GPR158: variants seen among roughly 807,000 people sequenced by gnomAD.
GPR158 encodes G protein-coupled receptor 158.
A neutral mutation model predicts 78.2 loss-of-function variants in GPR158; 30 were observed. The observed-to-expected ratio is 0.38, with a 90% CI of 0.29 to 0.52. The LOEUF is 0.52. Among genes scored for constraint, GPR158 ranks in the 20% least tolerant of loss-of-function variants. The pLI is 0.83. For synonymous variants in GPR158, 581 were observed against 591.1 expected, an observed-to-expected ratio of 0.98 and a Z score of 0.25; for missense variants, 1,463 against 1,523.5, an observed-to-expected ratio of 0.96 and a Z score of 0.66.
intron 6 of GPR158, among the ~76,000 whole-genome samples, chr10:25,561,186 T>C (rs1836855604): frequency 1.3e-5 from 2 of 152,216 alleles, no homozygotes; most frequent in Non-Finnish European, 2.9e-5. Context: ...CCATCTGTAA[T>C]AAATTTGTTT....
chr10:25,487,530 T>G (rs930822908), intron 5 of GPR158, among the ~76,000 whole-genome samples: 1 of 152,294 alleles, frequency 6.6e-6, no homozygotes. Flanking sequence ...AGTCACAGTA[T>G]AGAGGTTAAG....
chr10:25,243,474 A>C (rs1432728724), intron 2 of GPR158, among the ~76,000 whole-genome samples: 1 of 152,190 alleles, frequency 6.6e-6, no homozygotes, highest in East Asian at 1.9e-4. Context: ...CTTCATATGA[A>C]GTTCTTTAGC....
chr10:25,259,816 CCTAT>C (rs1249632445), intron 2 of GPR158, among the ~76,000 whole-genome samples: 1 of 151,980 alleles, frequency 6.6e-6, no homozygotes, highest in Non-Finnish European at 1.5e-5. Flanking sequence ...TAGATTTATT[CCTAT>C]CTACTTTATT....
chr10:25,222,363 A>G (rs1772318275), intron 2 of GPR158, among the ~76,000 whole-genome samples: 1 of 138,290 alleles, frequency 7.2e-6, no homozygotes, highest in African/African-American at 2.7e-5. Context: ...ATCCCTCTAA[A>G]TCTATCACAT....
intron 2 of GPR158, among the ~76,000 whole-genome samples, chr10:25,347,989 C>A (rs149354695): frequency 3.9e-5 from 6 of 151,972 alleles, no homozygotes; most frequent in Non-Finnish European, 7.4e-5. Flanking sequence ...AAAGTCTTTG[C>A]GGCAAATGTC....
chr10:25,407,574 C>G (rs1834531248), intron 3 of GPR158, among the ~76,000 whole-genome samples: 1 of 152,112 alleles, frequency 6.6e-6, no homozygotes, highest in Non-Finnish European at 1.5e-5. Flanking sequence ...ATGATCTCTT[C>G]CAAAGCCTTC....
intron 2 of GPR158, among the ~76,000 whole-genome samples, chr10:25,345,305 G>A (rs1407541884): frequency 2.0e-5 from 3 of 151,820 alleles, no homozygotes; most frequent in Non-Finnish European, 4.4e-5. Context: ...TTACCACTTG[G>A]CAAGGCTCTT....
chr10:25,338,459 A>ACG (rs1564426169), intron 2 of GPR158, among the ~76,000 whole-genome samples: 1 of 137,832 alleles, frequency 7.3e-6, no homozygotes, highest in African/African-American at 3.0e-5. Context: ...TAATATATAT[A>ACG]TTACGTATAT....
At chr10:25,466,589 G>T in intron 4 of GPR158, 62 bp from the exon 5 acceptor site, 1 of 1,029,444 alleles carries the variant, frequency 9.7e-7, no homozygotes, top group African/African-American at 1.6e-5. Context: ...TTTCACAATA[G>T]CGTGAATTCT....
chr10:25,218,464 G>A (rs962758349), intron 1 of GPR158, among the ~76,000 whole-genome samples: 4 of 152,176 alleles, frequency 2.6e-5, no homozygotes, highest in African/African-American at 7.2e-5. Flanking sequence ...CAAGTTAGCC[G>A]ATGTCTGAGT....
intron 5 of GPR158, among the ~76,000 whole-genome samples, chr10:25,536,850 TC>T (rs1257848974): frequency 2.0e-5 from 3 of 152,314 alleles, no homozygotes; most frequent in South Asian, 2.1e-4. Context: ...AGGATTAGCA[TC>T]CCGAGGGGCT....
intron 2 of GPR158, among the ~76,000 whole-genome samples, chr10:25,302,740 C>T (rs1403732521): frequency 6.6e-6 from 1 of 152,142 alleles, no homozygotes; most frequent in Non-Finnish European, 1.5e-5. Context: ...TTTGGCAGCC[C>T]CTGTTCTAAG....
chr10:25,359,523 C>T (rs72796142), intron 2 of GPR158, among the ~76,000 whole-genome samples: 4,751 of 152,118 alleles, frequency 0.031, 120 homozygotes, highest in Non-Finnish European at 0.045. Context: ...TTTTTCTCTT[C>T]CTGTGTCAGT....
chr10:25,491,664 A>G (rs1258701613), intron 5 of GPR158, among the ~76,000 whole-genome samples: 2 of 152,214 alleles, frequency 1.3e-5, no homozygotes, highest in Non-Finnish European at 2.9e-5. Context: ...TACTTATTTT[A>G]GAAAAATTAG....
At chr10:25,204,039 C>A (rs1852974672) in intron 1 of GPR158, among the ~76,000 whole-genome samples, 1 of 151,558 alleles carries the variant, frequency 6.6e-6, no homozygotes, top group African/African-American at 2.4e-5. Context: ...GGAGTTCACT[C>A]ATGATTTGGC....
At chr10:25,359,897 A>G (rs527488266) in intron 2 of GPR158, among the ~76,000 whole-genome samples, 7 of 152,166 alleles carry the variant, frequency 4.6e-5, no homozygotes, top group South Asian at 4.1e-4. Flanking sequence ...AAGAATTCCT[A>G]TTTCTCCACA....
rs180876652 is a variant in GPR158 at position 25,598,446 on chromosome 10, G to A, written c.2820G>A (p.Glu940=). The change falls in exon 11 of 11, where the codon GAG becomes GAA. Residue 940 remains glutamate (E), a synonymous_variant. Coordinates refer to ENST00000376351, the MANE Select transcript of GPR158 (RefSeq NM_020752.3). ...AGAAACCTTTGCCAAAAGATAAAGA[G>A]ACAAACAGAAATCACTCAAATTCTG... ...KSQKPLPKDK[E]TNRNHSNSDN... The A allele has an allele frequency of 3.5e-4, 569 of 1,614,036 alleles. 2 individuals carry two copies. The highest frequency in any genetic ancestry group is 3.3e-3 in the South Asian group (302 of 91,064).
rs114250972 is a variant in GPR158, at chr10:25,557,324, G to A, written c.1514+6239G>A. 3.5e-3 allele frequency among the ~76,000 whole-genome samples: 535 copies of A among 152,262 alleles called. 6 individuals carry two copies. Among genetic ancestry groups the A allele is most frequent in the African/African-American group, 0.012 (503 of 41,548 alleles). Reference sequence around the variant, plus strand: ...CTGTGACCTCTCACTTCCTGCATTCGTCTTCTCTTCCTTGGCATACTTGCA... The same window carrying A: ...CTGTGACCTCTCACTTCCTGCATTCATCTTCTCTTCCTTGGCATACTTGCA... On this transcript the variant is annotated intron_variant, in intron 6 of 10. Transcript: ENST00000376351.
chr10:25,212,627 CTT>C (rs10642944), intron 1 of GPR158, among the ~76,000 whole-genome samples: 3 of 78,568 alleles, frequency 3.8e-5, no homozygotes, highest in Non-Finnish European at 4.6e-5. Context: ...GAATTTATAG[CTT>C]TTTTTTTTTT....
Sources: gnomAD v4.1 joint callset for allele counts (sites outside exome capture counted in the v4.1 genomes callset) on GRCh38, gnomAD v4.1.1 for gene constraint, MANE v1.5 for transcripts, NCBI Gene and HGNC (gene_info 2026-07-23, HGNC 2026-07-21) for gene names.